MSH3: variants seen among roughly 807,000 people sequenced by gnomAD.
The protein encoded by MSH3 is DNA mismatch repair protein Msh3.
A neutral mutation model predicts 123.3 loss-of-function variants in MSH3; 106 were observed. The ratio of observed to expected loss-of-function variants is 0.86; its 90% CI spans 0.73 to 1.01. MSH3 has a LOEUF of 1.01. Ranked by LOEUF, MSH3 falls within the 50% of genes least tolerant of loss-of-function variation. MSH3 has a pLI of 0.00. For missense variants in MSH3, 1,459 were observed against 1,347.6 expected (o/e 1.08, Z -1.29); for synonymous variants, 515 against 481.4 (o/e 1.07, Z -0.91).
intron 20 of MSH3, among the ~76,000 whole-genome samples, chr5:80,842,769 T>C (rs1266981749): frequency 6.6e-6 from 1 of 152,222 alleles, no homozygotes; most frequent in Non-Finnish European, 1.5e-5. Flanking sequence ...CCTGAGACTT[T>C]GCTGAAGTTG....
intron 8 of MSH3, among the ~76,000 whole-genome samples, chr5:80,694,061 A>T (rs1217450907): frequency 6.6e-6 from 1 of 152,176 alleles, no homozygotes; most frequent in African/African-American, 2.4e-5. Context: ...GAGAAAACAA[A>T]TTCATGCATA....
chr5:80,669,987 C>A, intron 3 of MSH3, 110 bp from the exon 4 acceptor site: 1 of 980,960 alleles, frequency 1.0e-6, no homozygotes, highest in South Asian at 1.4e-5. Context: ...ATAAACTTTT[C>A]ATCTAGATTC....
chr5:80,715,676 A>G (rs1750945125), intron 8 of MSH3, among the ~76,000 whole-genome samples: 1 of 152,110 alleles, frequency 6.6e-6, no homozygotes, highest in South Asian at 2.1e-4. Context: ...GGCCTCAGGA[A>G]ACTTACAGTC....
intron 12 of MSH3, among the ~76,000 whole-genome samples, chr5:80,753,142 TC>T (rs1743865922): frequency 6.6e-6 from 1 of 152,190 alleles, no homozygotes; most frequent in African/African-American, 2.4e-5. Flanking sequence ...ACCATCATAA[TC>T]AGGTGAAAAT....
At chr5:80,701,985 T>A (rs1432149632) in intron 8 of MSH3, among the ~76,000 whole-genome samples, 2 of 151,996 alleles carry the variant, frequency 1.3e-5, no homozygotes, top group Non-Finnish European at 2.9e-5. Flanking sequence ...CTCCCTTCTT[T>A]TTCTACCCTT....
intron 16 of MSH3, among the ~76,000 whole-genome samples, chr5:80,778,164 A>G (rs923349993): frequency 1.3e-5 from 2 of 152,196 alleles, no homozygotes; most frequent in East Asian, 3.8e-4. Context: ...GATGGGGAGC[A>G]TGTGGTATTT....
chr5:80,732,261 G>T (rs1743425373), intron 10 of MSH3, among the ~76,000 whole-genome samples: 1 of 152,122 alleles, frequency 6.6e-6, no homozygotes, highest in Non-Finnish European at 1.5e-5. Context: ...GAATGCTTTT[G>T]TCATTTTGGA....
intron 21 of MSH3, among the ~76,000 whole-genome samples, chr5:80,858,894 A>G (rs1256517613): frequency 6.6e-6 from 1 of 152,144 alleles, no homozygotes; most frequent in Non-Finnish European, 1.5e-5. Context: ...CTCTTGTTAA[A>G]TGCATACATG....
chr5:80,815,078 A>C (rs1247541685), intron 20 of MSH3, among the ~76,000 whole-genome samples: 1 of 152,218 alleles, frequency 6.6e-6, no homozygotes, highest in East Asian at 1.9e-4. Context: ...CTGTGGAATC[A>C]CATCAGAATA....
chr5:80,780,513 G>A (rs1451430884), intron 17 of MSH3, among the ~76,000 whole-genome samples: 1 of 152,328 alleles, frequency 6.6e-6, no homozygotes, highest in East Asian at 1.9e-4. Flanking sequence ...GCCTTTGCCA[G>A]CCTGCCCATG....
At chr5:80,756,232 T>G (rs1046848187) in intron 12 of MSH3, among the ~76,000 whole-genome samples, 3 of 151,800 alleles carry the variant, frequency 2.0e-5, no homozygotes, top group Admixed American at 6.6e-5. Context: ...GATCTTATAC[T>G]CCAAAAAGAA....
intron 8 of MSH3, among the ~76,000 whole-genome samples, chr5:80,692,407 GATAAACATGTATATGTTTAGAT>G (rs1750305986): frequency 2.4e-5 from 1 of 41,128 alleles, no homozygotes; most frequent in Non-Finnish European, 4.0e-5. Flanking sequence ...TGTTTAGATA[GATAAACATGTATATGTTTAGAT>G]AGATAAACAT....
intron 20 of MSH3, among the ~76,000 whole-genome samples, chr5:80,817,163 AGAGAGGCAG>A (rs1207782326): frequency 1.3e-5 from 2 of 152,224 alleles, no homozygotes; most frequent in Non-Finnish European, 2.9e-5. Context: ...AGGTGTAGCC[AGAGAGGCAG>A]GAGAGAAAAA....
chr5:80,728,937 A>G lies in MSH3; in HGVS notation c.1540A>G (p.Asn514Asp). 2 of 1,609,498 alleles carry G rather than the reference A, an allele frequency of 1.2e-6. No individual in the cohort carries two copies. The highest frequency in any genetic ancestry group is 1.7e-6 in the Non-Finnish European group (2 of 1,175,950). ...CATCATAAAATACCTCAAAGAATTC[A>G]ACTTGGAAAAGATGCTCTCCAAACC... ...AAIIKYLKEF[N>D]LEKMLSKPEN... Residue 514 changes from asparagine to aspartate, a missense_variant, in exon 10 of 24, where the codon AAC (asparagine) becomes GAC (aspartate). Coordinates refer to ENST00000265081, the MANE Select transcript of MSH3 (RefSeq NM_002439.5).
chr5:80,800,442 T>C (rs894460485), intron 19 of MSH3, among the ~76,000 whole-genome samples: 4 of 152,218 alleles, frequency 2.6e-5, no homozygotes, highest in Non-Finnish European at 4.4e-5. Context: ...TCACTCATGC[T>C]AACTGGTCCT....
At chr5:80,808,857 TC>T (rs1362132767) in intron 19 of MSH3, among the ~76,000 whole-genome samples, 1 of 21,102 alleles carries the variant, frequency 4.7e-5, no homozygotes, top group East Asian at 2.8e-3. Context: ...TATATCTTCT[TC>T]ATATATATAT....
intron 18 of MSH3, among the ~76,000 whole-genome samples, 185 bp from the exon 19 acceptor site, chr5:80,792,548 C>T (rs530388071): frequency 6.6e-6 from 1 of 152,020 alleles, no homozygotes; most frequent in Non-Finnish European, 1.5e-5. Flanking sequence ...CAATTTTGAT[C>T]TTATAGTTCA....
chr5:80,772,221 A>AT (rs1177053187), intron 15 of MSH3, among the ~76,000 whole-genome samples: 1 of 152,232 alleles, frequency 6.6e-6, no homozygotes, highest in Non-Finnish European at 1.5e-5. Context: ...AAAGGGTTTT[A>AT]TTAATTGACA....
At chr5:80,867,896 C>G (rs556077052) in intron 22 of MSH3, among the ~76,000 whole-genome samples, 1 of 152,218 alleles carries the variant, frequency 6.6e-6, no homozygotes, top group South Asian at 2.1e-4. Flanking sequence ...TTCATAGTTT[C>G]TTTTGCTGTG....
Sources: allele counts gnomAD v4.1 joint callset (sites outside exome capture counted in the v4.1 genomes callset), GRCh38; gene constraint gnomAD v4.1.1; transcripts MANE v1.5; gene names NCBI Gene and HGNC (gene_info 2026-07-23, HGNC 2026-07-21).